MARCHF10: variants seen among roughly 807,000 people sequenced by gnomAD.
MARCHF10 encodes the protein membrane associated ring-CH-type finger 10.
MARCHF10 carries 64 observed loss-of-function variants against 76.2 expected under a neutral mutation model. The ratio of observed to expected loss-of-function variants is 0.84; its 90% confidence interval spans 0.69 to 1.03. The LOEUF (loss-of-function observed/expected upper bound fraction) is 1.03, where lower values mean the gene tolerates loss of function less well. MARCHF10 is among the 50% of genes least tolerant of loss of function. MARCHF10 has a pLI of 0.00. For missense variants in MARCHF10, 875 were observed against 958.0 expected (o/e 0.91, Z 1.14); for synonymous variants, 340 against 357.5 (o/e 0.95, Z 0.55).
At position 62,736,853 on chromosome 17, in the gene MARCHF10, A is replaced by G. The variant is rs1277298255; in HGVS notation, c.1015T>C (p.Cys339Arg). The change falls in exon 6 of 11, where the codon TGC becomes CGC. Residue 339 changes from cysteine to arginine, a missense_variant. Physicochemically the swap from Cys to Arg is radical, Grantham distance 180. Transcript: ENST00000311269. ...CTTCTTCTTGAAGAATGACCTCTGC[A>G]ATTTTCAGCATTTTCTTCAAAATTT... ...NKNFEENAEN[C>R]RGHSSRRSEP... 1.9e-6 allele frequency: 3 copies of G among 1,613,792 alleles called. No homozygotes were observed. The African/African-American group carries it at 4.0e-5, about 22-fold the overall frequency.
At chr17:62,707,207 C>G (rs1218552252) in intron 9 of MARCHF10, among the ~76,000 whole-genome samples, 3 of 152,222 alleles carry the variant, frequency 2.0e-5, no homozygotes, top group Admixed American at 2.0e-4. Flanking sequence ...GCCTGCCAAT[C>G]CCAGGCTGGA....
Position 62,736,350 on chromosome 17 carries a change from C to A in MARCHF10, c.1518G>T (p.Gly506=). Residue 506 remains glycine (G), a synonymous_variant, in exon 6 of 11, where the codon GGG becomes GGT. Coordinates refer to ENST00000311269, the MANE Select transcript of MARCHF10 (RefSeq NM_152598.4). ...VHSSDSEGNS[G]FHVCQPLSPI... is the part of the protein sequence containing the mutation. ...GAGACAGTGGTTGGCAAACATGAAA[C>A]CCTGAGTTTCCCTCTGAGTCTGAGC... The A allele has an allele frequency of 6.2e-7, 1 of 1,614,162 alleles. No homozygotes were observed. The highest frequency in any genetic ancestry group is 1.3e-5 in the African/African-American group (1 of 75,020).
At chr17:62,735,649 T>C (rs1049169572) in intron 6 of MARCHF10, 81 of 378,184 alleles carry the variant, frequency 2.1e-4, no homozygotes, top group Non-Finnish European at 2.9e-4. Flanking sequence ...TGTGAAGCAG[T>C]CAGAGATCCT....
At chr17:62,773,366 G>C (rs1047687602) in intron 3 of MARCHF10, among the ~76,000 whole-genome samples, 1 of 152,330 alleles carries the variant, frequency 6.6e-6, no homozygotes, top group East Asian at 1.9e-4. Flanking sequence ...GTCATTTGCT[G>C]AAGAGCCATT....
chr17:62,716,930 C>G (rs956582510), intron 8 of MARCHF10, among the ~76,000 whole-genome samples: 6 of 152,082 alleles, frequency 3.9e-5, no homozygotes, highest in Non-Finnish European at 8.8e-5. Context: ...CCCAGGTGAG[C>G]CAGGTTTGGA....
intron 3 of MARCHF10, among the ~76,000 whole-genome samples, chr17:62,785,044 C>A (rs1388300329): frequency 6.6e-6 from 1 of 151,874 alleles, no homozygotes; most frequent in Non-Finnish European, 1.5e-5. Flanking sequence ...CATATGGAAC[C>A]AAAAAAAGAA....
At chr17:62,704,273 C>CA (rs1175053689) in intron 10 of MARCHF10, among the ~76,000 whole-genome samples, 1 of 151,958 alleles carries the variant, frequency 6.6e-6, no homozygotes, top group Non-Finnish European at 1.5e-5. Context: ...GCCCGCGACA[C>CA]AAAGGTCTTT....
At chr17:62,780,381 C>T (rs2092636104) in intron 3 of MARCHF10, among the ~76,000 whole-genome samples, 2 of 152,126 alleles carry the variant, frequency 1.3e-5, no homozygotes, top group South Asian at 4.1e-4. Context: ...CTCTAAAATT[C>T]GTGTGGATTC....
intron 8 of MARCHF10, among the ~76,000 whole-genome samples, chr17:62,719,379 G>C (rs542892899): frequency 4.6e-5 from 7 of 151,318 alleles, no homozygotes; most frequent in African/African-American, 1.5e-4. Context: ...TTTCTCCTTT[G>C]CTCTTGAAGG....
At position 62,723,559 on chromosome 17, in the gene MARCHF10, CTTTTTT is replaced by C. The variant is rs60456766; in HGVS notation, c.2105-968_2105-963del. Among the ~76,000 whole-genome samples the C allele has an allele frequency of 3.7e-5, 3 of 80,370 alleles. 1 individual carries two copies. Among genetic ancestry groups the C allele is most frequent in the African/African-American group, 1.6e-4 (3 of 18,350 alleles). 52.7% of individuals were successfully genotyped at this position (80,370 alleles called of 152,430 possible). On this transcript the variant is annotated intron_variant, in intron 7 of 10. Transcript: ENST00000311269. Reference sequence around the variant, plus strand: ...CCTTATCTGCATTTTGTTCGCTTGACTTTTTTTTTTTTTTTTTTTAGCGTCATTCAG... The same window carrying C: ...CCTTATCTGCATTTTGTTCGCTTGACTTTTTTTTTTTTTAGCGTCATTCAG...
chr17:62,807,642 T>C (rs1481350098), intron 1 of MARCHF10, among the ~76,000 whole-genome samples: 1 of 152,002 alleles, frequency 6.6e-6, no homozygotes, highest in Non-Finnish European at 1.5e-5. Context: ...TGGCCTGTGG[T>C]CCCAGCTACC....
intron 2 of MARCHF10, among the ~76,000 whole-genome samples, chr17:62,799,335 T>C (rs1360712465): frequency 6.6e-6 from 1 of 152,186 alleles, no homozygotes; most frequent in African/African-American, 2.4e-5. Flanking sequence ...GTTTTCCCGC[T>C]TCTTCTCTTG....
chr17:62,753,729 C>T (rs2091962817), intron 4 of MARCHF10, among the ~76,000 whole-genome samples: 1 of 152,204 alleles, frequency 6.6e-6, no homozygotes, highest in Admixed American at 6.5e-5. Flanking sequence ...TTTCACTCCA[C>T]CTGGCCCTGC....
In MARCHF10 at chr17:62,736,090, C is replaced by G; in HGVS notation, c.1778G>C (p.Gly593Ala). 6.2e-7 allele frequency: 1 copy of G among 1,614,106 alleles called. No individual in the cohort carries two copies. Residue 593 changes from glycine (G) to alanine (A), a missense_variant, in exon 6 of 11, where the codon GGG becomes GCG. Gly to Ala is a moderately conservative substitution (Grantham distance 60). Coordinates refer to ENST00000311269, the MANE Select transcript of MARCHF10 (RefSeq NM_152598.4). ...MNSEGHLHVS[G>A]SLQENTPFTF... ...AAATGGTGTATTTTCTTGCAGAGAC[C>G]CAGACACATGCAAATGGCCTTCTGA...
intron 6 of MARCHF10, among the ~76,000 whole-genome samples, chr17:62,726,568 TA>T (rs1385925951): frequency 4.4e-4 from 67 of 152,364 alleles, no homozygotes; most frequent in African/African-American, 1.6e-3. Context: ...CTGGTGAAGA[TA>T]AACTAGAGAG....
intron 1 of MARCHF10, among the ~76,000 whole-genome samples, chr17:62,807,291 G>C (rs1267351118): frequency 1.3e-5 from 2 of 152,044 alleles, no homozygotes; most frequent in Non-Finnish European, 2.9e-5. Context: ...TGTGACTGCA[G>C]AGAAAAAGGG....
At chr17:62,721,741 T>C (rs1359231336) in intron 8 of MARCHF10, among the ~76,000 whole-genome samples, 1 of 152,224 alleles carries the variant, frequency 6.6e-6, no homozygotes, top group Admixed American at 6.5e-5. Context: ...AGTAGGCATT[T>C]ACCTCATGTT....
chr17:62,797,380 AT>A (rs1293375635), intron 2 of MARCHF10, among the ~76,000 whole-genome samples: 1 of 151,974 alleles, frequency 6.6e-6, no homozygotes, highest in Non-Finnish European at 1.5e-5. Context: ...AATTTTTTGT[AT>A]TTTTAGTAGA....
chr17:62,715,348 G>A (rs976341874), intron 8 of MARCHF10, among the ~76,000 whole-genome samples: 4 of 152,222 alleles, frequency 2.6e-5, no homozygotes, highest in Admixed American at 6.5e-5. Context: ...CACGCCCAAT[G>A]GCAGGATACC....
Sources: gnomAD v4.1 joint callset for allele counts (sites outside exome capture counted in the v4.1 genomes callset) on GRCh38, gnomAD v4.1.1 for gene constraint, MANE v1.5 for transcripts, NCBI Gene and HGNC (gene_info 2026-07-23, HGNC 2026-07-21) for gene names.